MICU1: variants seen among roughly 807,000 people sequenced by gnomAD.
The protein encoded by MICU1 is calcium uptake protein 1, mitochondrial.
Under a neutral mutation model 56.8 loss-of-function variants are expected in MICU1, and 45 were observed. The ratio of observed to expected loss-of-function variants is 0.79; its 90% CI spans 0.62 to 1.02. The LOEUF is 1.02. MICU1 is among the 50% of genes least tolerant of loss of function. The pLI is 0.00. For synonymous variants in MICU1, 186 were observed against 195.1 expected (o/e 0.95, Z 0.39); for missense variants, 504 against 587.1 (o/e 0.86, Z 1.46).
At position 72,474,850 on chromosome 10, in the gene MICU1, G is replaced by A. The variant is rs576758527; in HGVS notation, c.933+250C>T. Among the ~76,000 whole-genome samples, 6 of 152,176 alleles carry A rather than the reference G, an allele frequency of 3.9e-5. No individual in the cohort carries two copies. The East Asian group carries it at 5.8e-4, about 15-fold the overall frequency. ...CCCCTGAGTTTCTTTCTCCACAAAC[G>A]GAACATACAAAGACAGCTAAGATTT... is the stretch of plus-strand genomic sequence containing the variant. On this transcript the variant is annotated intron_variant, in intron 8 of 11. Coordinates refer to ENST00000361114, the MANE Select transcript of MICU1 (RefSeq NM_001195518.2).
intron 6 of MICU1, among the ~76,000 whole-genome samples, chr10:72,491,858 T>G (rs989210094): frequency 5.3e-5 from 8 of 152,058 alleles, no homozygotes; most frequent in Admixed American, 2.6e-4. Flanking sequence ...TACAGTACCA[T>G]AAACACAGGC....
intron 1 of MICU1, among the ~76,000 whole-genome samples, chr10:72,624,867 T>C (rs1300343159): frequency 2.0e-5 from 3 of 152,152 alleles, no homozygotes; most frequent in Non-Finnish European, 4.4e-5. Context: ...GGTTCTAAAG[T>C]TTTTAGGATA....
intron 2 of MICU1, among the ~76,000 whole-genome samples, chr10:72,565,643 A>T (rs965504919): frequency 6.6e-6 from 1 of 152,096 alleles, no homozygotes; most frequent in Non-Finnish European, 1.5e-5. Context: ...GTATAATAAA[A>T]AAAAAAAAAT....
chr10:72,398,464 G>A lies in MICU1; in HGVS notation c.1180+9465C>T, dbSNP rs369721155. ...TCAGAGCAGAACTGAAAGAGATAGA[G>A]ACACAAAAAAAACCCTTCAAAAGAT... On this transcript the variant is annotated intron_variant, in intron 10 of 11. Transcript: ENST00000361114. Among the ~76,000 whole-genome samples the A allele has an allele frequency of 4.3e-3, 640 of 150,206 alleles. 5 individuals carry two copies. Among genetic ancestry groups the A allele is most frequent in the Middle Eastern group, 0.014 (4 of 292 alleles).
chr10:72,420,393 C>T (rs116348813), intron 9 of MICU1, among the ~76,000 whole-genome samples: 5,804 of 152,206 alleles, frequency 0.038, 357 homozygotes, highest in African/African-American at 0.13. Flanking sequence ...CTTTGCCTTC[C>T]GCCGTGATTG....
At chr10:72,624,054 G>A (rs1842173065) in intron 1 of MICU1, among the ~76,000 whole-genome samples, 1 of 152,030 alleles carries the variant, frequency 6.6e-6, no homozygotes, top group Admixed American at 6.6e-5. Flanking sequence ...TGGCAAAATT[G>A]GGTTTAAAAA....
chr10:72,388,558 G>A (rs1164998385), intron 10 of MICU1, among the ~76,000 whole-genome samples: 2 of 152,090 alleles, frequency 1.3e-5, no homozygotes, highest in Non-Finnish European at 2.9e-5. Context: ...ACCTATACCT[G>A]AACAGAACAG....
chr10:72,501,373 C>T (rs1026582870), intron 6 of MICU1, among the ~76,000 whole-genome samples: 28 of 151,062 alleles, frequency 1.9e-4, no homozygotes, highest in African/African-American at 6.8e-4. Context: ...TCAACAGCTA[C>T]AAGGACTATT....
chr10:72,529,946 CTTTTTTTTTT>C, intron 5 of MICU1, among the ~76,000 whole-genome samples: 1 of 100,802 alleles, frequency 9.9e-6, no homozygotes, highest in Non-Finnish European at 1.9e-5. Flanking sequence ...GGGGAAGGTG[CTTTTTTTTTT>C]TTTTTTTTTT....
intron 10 of MICU1, among the ~76,000 whole-genome samples, chr10:72,385,682 C>T (rs1217782106): frequency 2.0e-5 from 3 of 152,158 alleles, no homozygotes; most frequent in Non-Finnish European, 2.9e-5. Context: ...GCCCCCCGCC[C>T]AGTATTTCCA....
chr10:72,570,622 C>A (rs1438203938), intron 1 of MICU1, among the ~76,000 whole-genome samples: 1 of 152,208 alleles, frequency 6.6e-6, no homozygotes, highest in Non-Finnish European at 1.5e-5. Context: ...GTAAACTTTG[C>A]TCCTAGCTCC....
chr10:72,624,391 C>T (rs2132599064), intron 1 of MICU1, among the ~76,000 whole-genome samples: 1 of 152,216 alleles, frequency 6.6e-6, no homozygotes, highest in South Asian at 2.1e-4. Context: ...CCATATTGCC[C>T]AGGCTGGTCT....
At chr10:72,481,944 G>A (rs193147500) in intron 6 of MICU1, among the ~76,000 whole-genome samples, 6 of 152,226 alleles carry the variant, frequency 3.9e-5, no homozygotes, top group Non-Finnish European at 2.9e-5. Context: ...GTCTGTTCTG[G>A]TTACAAGTCT....
intron 4 of MICU1, among the ~76,000 whole-genome samples, chr10:72,541,976 G>A (rs964571122): frequency 6.6e-6 from 1 of 152,076 alleles, no homozygotes; most frequent in Non-Finnish European, 1.5e-5. Context: ...ACGGCTACCT[G>A]TTCTTTACAT....
rs547930769 is a variant in MICU1, at chr10:72,596,648, G to T, written c.-2+29362C>A. Among the ~76,000 whole-genome samples the T allele has an allele frequency of 3.2e-4, 48 of 152,156 alleles. 1 individual carries two copies. The South Asian group carries it at 7.5e-3, about 24-fold the overall frequency. The stretch of plus-strand genomic sequence containing the variant: ...GCACTTTGGGAGGCCGAGGTGGGTG[G>T]ACCAACTTGAGGTCAGGAGTTCGGG... On this transcript the variant is annotated intron_variant, in intron 1 of 11. Transcript: ENST00000361114.
chr10:72,462,258 C>T (rs535656392), intron 8 of MICU1, among the ~76,000 whole-genome samples: 3 of 151,026 alleles, frequency 2.0e-5, no homozygotes, highest in African/African-American at 7.3e-5. Context: ...ACTCTGTCAC[C>T]CAGGCTGGAG....
chr10:72,603,810 C>CA (rs1216093473), intron 1 of MICU1, among the ~76,000 whole-genome samples: 32 of 151,218 alleles, frequency 2.1e-4, no homozygotes, highest in South Asian at 4.2e-4. Flanking sequence ...GTCTCAAAAA[C>CA]AAAACAAAAC....
At chr10:72,507,660 T>G (rs529530277) in intron 6 of MICU1, among the ~76,000 whole-genome samples, 1 of 152,226 alleles carries the variant, frequency 6.6e-6, no homozygotes, top group Admixed American at 6.5e-5. Context: ...CTGCTGTTGT[T>G]TTTGAGACAG....
intron 8 of MICU1, among the ~76,000 whole-genome samples, chr10:72,466,557 G>A (rs1478846847): frequency 6.6e-6 from 1 of 152,180 alleles, no homozygotes; most frequent in African/African-American, 2.4e-5. Context: ...TAAAGGAAAT[G>A]TCATTGAACA....
Sources: allele counts gnomAD v4.1 joint callset (sites outside exome capture counted in the v4.1 genomes callset), GRCh38; gene constraint gnomAD v4.1.1; transcripts MANE v1.5; gene names NCBI Gene and HGNC (gene_info 2026-07-23, HGNC 2026-07-21).